The following TP53BP1 variants were observed in gnomAD, a reference collection of about 807,000 sequenced individuals.
The protein encoded by TP53BP1 is tumor protein p53 binding protein 1, also known as TP53-binding protein 1.
A neutral mutation model predicts 200.8 loss-of-function variants in TP53BP1; 61 were observed. The observed-to-expected ratio is 0.30, with a 90% confidence interval of 0.25 to 0.38. The LOEUF (loss-of-function observed/expected upper bound fraction) is 0.38, where lower values mean the gene tolerates loss of function less well. TP53BP1 is among the 10% of genes least tolerant of loss of function. The pLI, the probability that TP53BP1 is intolerant of heterozygous loss-of-function variation, is 1.00. For synonymous variants in TP53BP1, 822 were observed against 844.3 expected, an observed-to-expected ratio of 0.97 and a Z score of 0.46; for missense variants, 2,144 against 2,371.9, an observed-to-expected ratio of 0.90 and a Z score of 2.00.
At chr15:43,430,982 TGG>T (rs1595545381) in intron 17 of TP53BP1, among the ~76,000 whole-genome samples, 1 of 152,156 alleles carries the variant, frequency 6.6e-6, no homozygotes, top group East Asian at 1.9e-4. Flanking sequence ...TCTCAAACTT[TGG>T]GGTGAGAGTA....
intron 4 of TP53BP1, among the ~76,000 whole-genome samples, chr15:43,485,165 A>G (rs1398486188): frequency 6.6e-6 from 1 of 152,094 alleles, no homozygotes; most frequent in Non-Finnish European, 1.5e-5. Context: ...CTTATTTATC[A>G]TATATTGCTA....
chr15:43,496,623 T>A (rs976235519), upstream of TP53BP1, among the ~76,000 whole-genome samples: 4 of 130,994 alleles, frequency 3.1e-5, no homozygotes, highest in African/African-American at 9.1e-5. Flanking sequence ...CATATATTCC[T>A]TTTTTTTTTT....
At chr15:43,463,550 G>A (rs2046490151) in intron 11 of TP53BP1, among the ~76,000 whole-genome samples, 1 of 152,124 alleles carries the variant, frequency 6.6e-6, no homozygotes, top group African/African-American at 2.4e-5. Context: ...CATATTCAGA[G>A]TTTTCTGAAA....
chr15:43,454,346 C>T (rs2046242648), intron 12 of TP53BP1, among the ~76,000 whole-genome samples: 1 of 150,898 alleles, frequency 6.6e-6, no homozygotes, highest in Non-Finnish European at 1.5e-5. Context: ...GTTTTTGGAG[C>T]TTGATTTTAC....
intron 1 of TP53BP1, among the ~76,000 whole-genome samples, chr15:43,504,912 C>T (rs1380634733): frequency 2.6e-5 from 4 of 152,034 alleles, no homozygotes; most frequent in South Asian, 4.1e-4. Flanking sequence ...CCCAGCTACT[C>T]GGGAAGGTGA....
intron 4 of TP53BP1, among the ~76,000 whole-genome samples, chr15:43,484,935 A>G (rs927680005): frequency 6.6e-6 from 1 of 151,932 alleles, no homozygotes; most frequent in Admixed American, 6.6e-5. Flanking sequence ...TTTTTTGTAG[A>G]GACAGGGTCT....
At chr15:43,473,143 C>T (rs756745656) in intron 10 of TP53BP1, among the ~76,000 whole-genome samples, 3 of 152,024 alleles carry the variant, frequency 2.0e-5, no homozygotes, top group Non-Finnish European at 4.4e-5. Context: ...CTACAGACCT[C>T]GCAGTGAGTG....
intron 11 of TP53BP1, among the ~76,000 whole-genome samples, chr15:43,458,254 A>G (rs1234800331): frequency 1.3e-5 from 2 of 151,660 alleles, no homozygotes; most frequent in Non-Finnish European, 2.9e-5. Context: ...CAACATGGTG[A>G]AACCCCATCT....
chr15:43,433,990 G>T (rs552284546), intron 16 of TP53BP1, among the ~76,000 whole-genome samples: 1 of 152,278 alleles, frequency 6.6e-6, no homozygotes, highest in East Asian at 1.9e-4. Context: ...GAAAAAAGAA[G>T]TTTCTGAGGT....
chr15:43,481,607 G>C (rs2078968469), intron 4 of TP53BP1, among the ~76,000 whole-genome samples: 1 of 151,710 alleles, frequency 6.6e-6, no homozygotes, highest in Non-Finnish European at 1.5e-5. Context: ...ACGAGGTCAA[G>C]AGATCGAGAC....
intron 13 of TP53BP1, 181 bp from the exon 14 acceptor site, chr15:43,446,771 CT>C (rs2046051666): frequency 1.3e-6 from 2 of 1,512,724 alleles, no homozygotes; most frequent in Admixed American, 4.2e-5. Flanking sequence ...GACACCTGGT[CT>C]TAAGAGGAGC....
chr15:43,427,272 CT>C (rs762055640), intron 18 of TP53BP1, among the ~76,000 whole-genome samples: 4 of 152,170 alleles, frequency 2.6e-5, no homozygotes, highest in Non-Finnish European at 5.9e-5. Flanking sequence ...AGGTGCATTT[CT>C]TACCAACAGG....
chr15:43,472,200 C>T (rs764420563), intron 10 of TP53BP1, among the ~76,000 whole-genome samples: 2 of 152,212 alleles, frequency 1.3e-5, no homozygotes, highest in Non-Finnish European at 2.9e-5. Flanking sequence ...ATTTCCTCAT[C>T]TGTAAAATGG....
At chr15:43,425,861 C>T (rs1459409342) in intron 18 of TP53BP1, among the ~76,000 whole-genome samples, 4 of 151,836 alleles carry the variant, frequency 2.6e-5, no homozygotes, top group South Asian at 4.1e-4. Flanking sequence ...GTCAGGAGAT[C>T]GAGACCATCC....
rs61757239 is a variant in TP53BP1, at chr15:43,409,007, A to G, written c.5490T>C (p.Cys1830=). Residue 1830 remains cysteine (C), a synonymous_variant, in exon 26 of 28, where the codon TGT becomes TGC. Transcript: ENST00000382044. The stretch of plus-strand genomic sequence containing the variant: ...TATCATGGACCCAGACATGAGACAC[A>G]CAAGGAATCCCACTGGCAAGGCACA... ...YFLCLASGIP[C]VSHVWVHDSC... is the part of the protein sequence containing the mutation. 2,012 of 1,614,180 alleles carry G rather than the reference A, an allele frequency of 1.2e-3. 4 individuals are homozygous for G. The highest frequency in any genetic ancestry group is 1.5e-3 in the Non-Finnish European group (1,829 of 1,180,028).
At position 43,429,228 on chromosome 15, in the gene TP53BP1, T is replaced by A. The variant is rs45552636; in HGVS notation, c.3676-1060A>T. On this transcript the variant is annotated intron_variant, in intron 17 of 27. Transcript: ENST00000382044. ...AGGTCTTAAAGCCCTATTTACCACC[T>A]CGAATCATTAGTTAGTTTGAGACTT... is the stretch of plus-strand genomic sequence containing the variant. Among the ~76,000 whole-genome samples the A allele has an allele frequency of 3.1e-3, 476 of 152,312 alleles. 1 individual carries two copies. Among genetic ancestry groups the A allele is most frequent in the Non-Finnish European group, 4.5e-3 (306 of 68,018 alleles).
chr15:43,423,786 TA>T (rs1352535217), intron 18 of TP53BP1, among the ~76,000 whole-genome samples: 1 of 152,200 alleles, frequency 6.6e-6, no homozygotes, highest in East Asian at 1.9e-4. Context: ...TCTCCTCCTT[TA>T]AAATCCATAA....
chr15:43,496,613 C>T (rs2079183593), upstream of TP53BP1, among the ~76,000 whole-genome samples: 1 of 150,174 alleles, frequency 6.7e-6, no homozygotes, highest in African/African-American at 2.4e-5. Context: ...GGAAAACAAT[C>T]ATATATTCCT....
intron 17 of TP53BP1, among the ~76,000 whole-genome samples, chr15:43,430,231 T>C (rs1293992662): frequency 1.3e-5 from 2 of 152,202 alleles, no homozygotes; most frequent in Non-Finnish European, 1.5e-5. Context: ...AGTGTCAAAG[T>C]AGGCTGCCTA....
Sources: gnomAD v4.1 joint callset for allele counts (sites outside exome capture counted in the v4.1 genomes callset) on GRCh38, gnomAD v4.1.1 for gene constraint, MANE v1.5 for transcripts, NCBI Gene and HGNC (gene_info 2026-07-23, HGNC 2026-07-21) for gene names.